Variants in PDE4B observed in about 807,000 individuals in gnomAD.
PDE4B encodes the protein phosphodiesterase 4B, also known as 3',5'-cyclic-AMP phosphodiesterase 4B.
PDE4B carries 20 observed loss-of-function variants against 82.2 expected under a neutral mutation model. That is an observed-to-expected ratio of 0.24 (90% CI 0.17 to 0.35). The LOEUF is 0.35. PDE4B is among the 10% of genes least tolerant of loss of function. PDE4B has a pLI of 1.00. For missense variants in PDE4B, 655 were observed against 907.2 expected (o/e 0.72, Z 3.57); for synonymous variants, 320 against 318.9 (o/e 1.00, Z -0.04).
At chr1:65,857,672 C>T (rs923154214) in intron 1 of PDE4B, among the ~76,000 whole-genome samples, 1 of 152,140 alleles carries the variant, frequency 6.6e-6, no homozygotes, top group African/African-American at 2.4e-5. Context: ...TATTTTTTAT[C>T]TTGCCTTGAA....
At chr1:65,797,691 G>A (rs1224851873) in intron 1 of PDE4B, among the ~76,000 whole-genome samples, 1 of 152,178 alleles carries the variant, frequency 6.6e-6, no homozygotes, top group African/African-American at 2.4e-5. Context: ...AGCATTCTTA[G>A]ACCTGGAACT....
chr1:66,348,231 T>C (rs924499214), intron 8 of PDE4B, among the ~76,000 whole-genome samples: 1 of 152,204 alleles, frequency 6.6e-6, no homozygotes, highest in East Asian at 1.9e-4. Context: ...CCGTTATACC[T>C]GTACAGAAAA....
At chr1:66,170,789 T>C (rs1010524940) in intron 3 of PDE4B, among the ~76,000 whole-genome samples, 4 of 152,194 alleles carry the variant, frequency 2.6e-5, no homozygotes, top group African/African-American at 9.7e-5. Context: ...GGTGGTGGAA[T>C]GCAAAGGGTA....
At chr1:66,080,835 T>A (rs901755387) in intron 3 of PDE4B, among the ~76,000 whole-genome samples, 1 of 152,140 alleles carries the variant, frequency 6.6e-6, no homozygotes, top group Non-Finnish European at 1.5e-5. Context: ...GTTTGGGGTA[T>A]GACTGAACCA....
At chr1:66,364,207 C>T (rs1663048128) in intron 12 of PDE4B, among the ~76,000 whole-genome samples, 1 of 152,110 alleles carries the variant, frequency 6.6e-6, no homozygotes, top group South Asian at 2.1e-4. Flanking sequence ...ATATAAAATA[C>T]TCTCTATATT....
At chr1:66,019,056 A>G (rs952033566) in intron 3 of PDE4B, among the ~76,000 whole-genome samples, 3 of 152,190 alleles carry the variant, frequency 2.0e-5, no homozygotes, top group African/African-American at 7.2e-5. Flanking sequence ...ATTTAAATTC[A>G]TCCTGATATG....
At chr1:66,094,850 CTG>C (rs1400626712) in intron 3 of PDE4B, among the ~76,000 whole-genome samples, 2 of 151,870 alleles carry the variant, frequency 1.3e-5, no homozygotes, top group East Asian at 3.9e-4. Context: ...TATTATGCCT[CTG>C]TTTTTAAATG....
At chr1:66,151,832 T>C (rs1241804471) in intron 3 of PDE4B, among the ~76,000 whole-genome samples, 1 of 152,190 alleles carries the variant, frequency 6.6e-6, no homozygotes, top group African/African-American at 2.4e-5. Flanking sequence ...AAATAATTGT[T>C]GAGCTAATGA....
At chr1:66,009,601 T>G (rs1465773749) in intron 3 of PDE4B, among the ~76,000 whole-genome samples, 3 of 152,172 alleles carry the variant, frequency 2.0e-5, no homozygotes, top group Non-Finnish European at 4.4e-5. Flanking sequence ...CCAGCCACAC[T>G]GCTGCACTTG....
chr1:65,860,379 T>C (rs2100252228), intron 1 of PDE4B, among the ~76,000 whole-genome samples: 1 of 152,330 alleles, frequency 6.6e-6, no homozygotes, highest in Non-Finnish European at 1.5e-5. Context: ...CATGAACTCA[T>C]CCTTTTTTAT....
chr1:65,977,474 G>C (rs1650469849), intron 3 of PDE4B, among the ~76,000 whole-genome samples: 1 of 152,048 alleles, frequency 6.6e-6, no homozygotes, highest in South Asian at 2.1e-4. Context: ...CAATAATAAA[G>C]CCTGTATCAT....
rs1051245105 is a variant in PDE4B, at chr1:66,088,928, C to T, written c.282-158532C>T. On this transcript the variant is annotated intron_variant, in intron 3 of 16. Transcript: ENST00000341517. The stretch of plus-strand genomic sequence containing the variant: ...ATCTGCAGCCTTGGAGATAGAAGCC[C>T]TACCAACAAGGGTTCCGAAGTGACT... Among the ~76,000 whole-genome samples the T allele has an allele frequency of 1.1e-4, 17 of 152,084 alleles. 1 individual carries two copies. Among genetic ancestry groups the T allele is most frequent in the Admixed American group, 4.6e-4 (7 of 15,244 alleles).
At chr1:66,297,122 C>G (rs550467168) in intron 7 of PDE4B, among the ~76,000 whole-genome samples, 26 of 152,162 alleles carry the variant, frequency 1.7e-4, no homozygotes, top group Non-Finnish European at 2.2e-4. Context: ...GAATATTAGA[C>G]TCACACAGAT....
intron 3 of PDE4B, among the ~76,000 whole-genome samples, chr1:65,950,746 G>A (rs1053687461): frequency 2.0e-5 from 3 of 151,998 alleles, no homozygotes; most frequent in African/African-American, 7.2e-5. Flanking sequence ...CTTCCATCTG[G>A]TTCAGGGCGA....
At chr1:66,056,867 G>C (rs1454126551) in intron 3 of PDE4B, among the ~76,000 whole-genome samples, 1 of 152,146 alleles carries the variant, frequency 6.6e-6, no homozygotes, top group African/African-American at 2.4e-5. Context: ...CTGATACCTT[G>C]ACTTTTACCC....
chr1:66,073,948 G>A (rs1656292114), intron 3 of PDE4B, among the ~76,000 whole-genome samples: 1 of 152,122 alleles, frequency 6.6e-6, no homozygotes, highest in Admixed American at 6.6e-5. Context: ...GTATATGAGA[G>A]CTAAATTTAA....
chr1:66,303,423 T>G (rs150729847), intron 7 of PDE4B, among the ~76,000 whole-genome samples: 1 of 152,006 alleles, frequency 6.6e-6, no homozygotes, highest in East Asian at 1.9e-4. Context: ...ATCTGTCACC[T>G]CATAGACTTT....
chr1:66,126,190 AG>A (rs1645820402), intron 3 of PDE4B, among the ~76,000 whole-genome samples: 1 of 152,312 alleles, frequency 6.6e-6, no homozygotes, highest in African/African-American at 2.4e-5. Flanking sequence ...TTAGTCACTA[AG>A]GGACAATAAA....
At chr1:66,036,393 C>A (rs972226571) in intron 3 of PDE4B, among the ~76,000 whole-genome samples, 12 of 152,082 alleles carry the variant, frequency 7.9e-5, no homozygotes, top group Admixed American at 4.6e-4. Flanking sequence ...CAAGAAATTT[C>A]TGCCCAGACC....
Sources: gnomAD v4.1 joint callset for allele counts (sites outside exome capture counted in the v4.1 genomes callset) on GRCh38, gnomAD v4.1.1 for gene constraint, MANE v1.5 for transcripts, NCBI Gene and HGNC (gene_info 2026-07-23, HGNC 2026-07-21) for gene names.